SLC16A10: variants seen among roughly 807,000 people sequenced by gnomAD.
SLC16A10 encodes the protein monocarboxylate transporter 10.
A neutral mutation model predicts 40.0 loss-of-function variants in SLC16A10; 27 were observed. The observed-to-expected ratio is 0.67, with a 90% CI of 0.50 to 0.93. The LOEUF is 0.93. Among genes scored for constraint, SLC16A10 ranks in the 40% least tolerant of loss-of-function variants. The pLI is 0.00. For synonymous variants in SLC16A10, 213 were observed against 249.8 expected (o/e 0.85, Z 1.39); for missense variants, 529 against 658.2 (o/e 0.80, Z 2.15).
intron 1 of SLC16A10, among the ~76,000 whole-genome samples, chr6:111,118,785 A>G (rs979856006): frequency 1.4e-5 from 2 of 144,734 alleles, no homozygotes; most frequent in Non-Finnish European, 3.1e-5. Context: ...GAGAATAGGT[A>G]TCGCCACCTA....
chr6:111,153,866 T>A (rs1772221480), intron 1 of SLC16A10, among the ~76,000 whole-genome samples: 1 of 152,242 alleles, frequency 6.6e-6, no homozygotes, highest in African/African-American at 2.4e-5. Flanking sequence ...GGCTTCCTGA[T>A]CATTATTGGT....
intron 1 of SLC16A10, among the ~76,000 whole-genome samples, chr6:111,094,683 G>T (rs1771042000): frequency 6.6e-6 from 1 of 151,990 alleles, no homozygotes; most frequent in African/African-American, 2.4e-5. Flanking sequence ...TGTTCCCCAG[G>T]CTGGAGTGCA....
At chr6:111,215,938 G>T (rs1172783738) in intron 4 of SLC16A10, among the ~76,000 whole-genome samples, 2 of 152,232 alleles carry the variant, frequency 1.3e-5, no homozygotes, top group African/African-American at 4.8e-5. Context: ...TGAGGCTGCA[G>T]TGAGCTATGA....
At chr6:111,193,481 G>A (rs2114568723) in intron 3 of SLC16A10, among the ~76,000 whole-genome samples, 1 of 152,204 alleles carries the variant, frequency 6.6e-6, no homozygotes, top group South Asian at 2.1e-4. Flanking sequence ...ATCAAAACAA[G>A]CTTGTTTTTT....
chr6:111,110,615 C>G (rs1306455076), intron 1 of SLC16A10, among the ~76,000 whole-genome samples: 1 of 152,012 alleles, frequency 6.6e-6, no homozygotes, highest in Non-Finnish European at 1.5e-5. Flanking sequence ...AAATGTGGTC[C>G]TGGGGTTGAG....
intron 1 of SLC16A10, among the ~76,000 whole-genome samples, chr6:111,111,228 A>G (rs1026158484): frequency 6.6e-6 from 1 of 152,216 alleles, no homozygotes; most frequent in African/African-American, 2.4e-5. Flanking sequence ...TGTAAAAAAA[A>G]TTGACAGATA....
At chr6:111,195,176 C>T (rs147077774) in intron 3 of SLC16A10, among the ~76,000 whole-genome samples, 38 of 152,244 alleles carry the variant, frequency 2.5e-4, no homozygotes, top group Non-Finnish European at 4.3e-4. Flanking sequence ...ATGTCCCACT[C>T]GTTACAGAAA....
intron 3 of SLC16A10, among the ~76,000 whole-genome samples, chr6:111,187,426 A>G (rs181223555): frequency 6.6e-6 from 1 of 152,302 alleles, no homozygotes; most frequent in East Asian, 1.9e-4. Context: ...AAAGTATAAC[A>G]TTAACTTAGG....
At chr6:111,135,729 G>T (rs1771866303) in intron 1 of SLC16A10, among the ~76,000 whole-genome samples, 1 of 152,216 alleles carries the variant, frequency 6.6e-6, no homozygotes, top group South Asian at 2.1e-4. Context: ...ACTTGAGCCA[G>T]TTCTCATACC....
intron 3 of SLC16A10, among the ~76,000 whole-genome samples, chr6:111,205,234 A>T (rs1773235375): frequency 6.6e-6 from 1 of 152,210 alleles, no homozygotes; most frequent in Admixed American, 6.5e-5. Context: ...GGCTTTTAAA[A>T]TGCAAAATGA....
intron 3 of SLC16A10, among the ~76,000 whole-genome samples, chr6:111,192,219 A>T (rs1773006635): frequency 6.6e-6 from 1 of 152,046 alleles, no homozygotes; most frequent in South Asian, 2.1e-4. Context: ...GCTGCTTAGA[A>T]ATTTTTTCCA....
At chr6:111,150,750 G>T (rs945977679) in intron 1 of SLC16A10, among the ~76,000 whole-genome samples, 5 of 152,172 alleles carry the variant, frequency 3.3e-5, no homozygotes, top group South Asian at 2.1e-4. Context: ...AGACACTGAG[G>T]GGGTGGAAAC....
chr6:111,137,525 C>T (rs1771901249), intron 1 of SLC16A10, among the ~76,000 whole-genome samples: 1 of 152,254 alleles, frequency 6.6e-6, no homozygotes, highest in South Asian at 2.1e-4. Flanking sequence ...ACAAATGGTT[C>T]TTCAAATGGA....
intron 1 of SLC16A10, among the ~76,000 whole-genome samples, chr6:111,097,595 T>A (rs1240784215): frequency 6.6e-6 from 1 of 152,178 alleles, no homozygotes; most frequent in Non-Finnish European, 1.5e-5. Flanking sequence ...ATTACAGGCA[T>A]GAGCCACCAT....
chr6:111,110,693 C>T (rs1307525244), intron 1 of SLC16A10, among the ~76,000 whole-genome samples: 1 of 151,970 alleles, frequency 6.6e-6, no homozygotes, highest in African/African-American at 2.4e-5. Context: ...TTTGAGAATC[C>T]GATGAAGATT....
At chr6:111,175,143 C>A (rs573830134) in intron 2 of SLC16A10, among the ~76,000 whole-genome samples, 47 of 152,280 alleles carry the variant, frequency 3.1e-4, no homozygotes, top group African/African-American at 1.1e-3. Context: ...AAAACCTTCT[C>A]CAACAACTTA....
chr6:111,187,500 G>C (rs1772918987), intron 3 of SLC16A10, among the ~76,000 whole-genome samples: 1 of 152,060 alleles, frequency 6.6e-6, no homozygotes, highest in African/African-American at 2.4e-5. Context: ...AAAAAAGAAA[G>C]GTAAAGGAAC....
intron 4 of SLC16A10, among the ~76,000 whole-genome samples, chr6:111,216,308 G>A (rs1386729550): frequency 6.6e-6 from 1 of 152,172 alleles, no homozygotes; most frequent in Admixed American, 6.5e-5. Flanking sequence ...ATATTTAACT[G>A]GCAAACAAAA....
chr6:111,126,482 G>A (rs1024402607), intron 1 of SLC16A10, among the ~76,000 whole-genome samples: 14 of 152,192 alleles, frequency 9.2e-5, no homozygotes, highest in Admixed American at 6.5e-4. Context: ...ATCTAGGAGC[G>A]TCATATTCAT....
Sources: allele counts gnomAD v4.1 joint callset (sites outside exome capture counted in the v4.1 genomes callset), GRCh38; gene constraint gnomAD v4.1.1; transcripts MANE v1.5; gene names NCBI Gene and HGNC (gene_info 2026-07-23, HGNC 2026-07-21).